The following FOXN3 variants were observed in gnomAD, a reference collection of about 807,000 sequenced individuals.
FOXN3 encodes the protein forkhead box protein N3.
In FOXN3, 7 loss-of-function variants were observed where a neutral mutation model predicts 38.4. The ratio of observed to expected loss-of-function variants is 0.18; its 90% confidence interval spans 0.10 to 0.34. The LOEUF (loss-of-function observed/expected upper bound fraction) is 0.34. Among genes scored for constraint, FOXN3 ranks in the 10% least tolerant of loss-of-function variants. The pLI, the probability that FOXN3 is intolerant of heterozygous loss-of-function variation, is 1.00. For missense variants in FOXN3, 456 were observed against 613.4 expected (o/e 0.74, Z 2.71); for synonymous variants, 230 against 242.2 (o/e 0.95, Z 0.47).
chr14:89,328,422 C>A (rs1313316074), intron 3 of FOXN3, among the ~76,000 whole-genome samples: 2 of 147,868 alleles, frequency 1.4e-5, no homozygotes, highest in African/African-American at 5.0e-5. Context: ...CAACAGCAGC[C>A]CTGGGTGAAT....
chr14:89,160,853 T>A lies in FOXN3; in HGVS notation c.*1561A>T, dbSNP rs1481690303. On this transcript the variant is annotated 3_prime_UTR_variant, in exon 6 of 6. Transcript: ENST00000557258. ...TGAAGAAGGTTAAACCTTAAACACCTGCTTCAAAAAACCAAAACAAAATAA... is the reference window on the plus strand; with the variant it reads ...TGAAGAAGGTTAAACCTTAAACACCAGCTTCAAAAAACCAAAACAAAATAA... 1.4e-5 allele frequency: 2 copies of A among 147,710 alleles called. No individual in the cohort carries two copies. Among genetic ancestry groups the A allele is most frequent in the Non-Finnish European group, 3.0e-5 (2 of 67,050 alleles). 9.1% of individuals were successfully genotyped at this position (147,710 alleles called of 1,614,324 possible). A position where few individuals can be genotyped will look rare whatever the true frequency, so the allele number is the denominator to read the frequency against.
intron 1 of FOXN3, among the ~76,000 whole-genome samples, chr14:89,469,150 G>A (rs1010729360): frequency 3.3e-5 from 5 of 152,150 alleles, no homozygotes; most frequent in African/African-American, 9.7e-5. Context: ...GAGACCCAGG[G>A]GTCCCCTAAC....
chr14:89,451,975 C>T (rs1226161221), intron 1 of FOXN3, among the ~76,000 whole-genome samples: 2 of 152,078 alleles, frequency 1.3e-5, no homozygotes, highest in Non-Finnish European at 2.9e-5. Flanking sequence ...AGGAGAGGAC[C>T]ACATCCCTTG....
At chr14:89,288,708 CTCTCTCTCTCTCTCTCTA>C (rs1886739561) in intron 3 of FOXN3, among the ~76,000 whole-genome samples, 3 of 81,842 alleles carry the variant, frequency 3.7e-5, no homozygotes, top group Non-Finnish European at 6.4e-5. Context: ...CTCTCTCTCT[CTCTCTCTCTCTCTCTCTA>C]TATATATATA....
At chr14:89,357,694 T>C (rs754554721) in intron 2 of FOXN3, among the ~76,000 whole-genome samples, 13 of 152,040 alleles carry the variant, frequency 8.6e-5, no homozygotes, top group Non-Finnish European at 1.6e-4. Context: ...GGAGAAGTAA[T>C]TGATATTCAG....
Position 89,344,999 on chromosome 14 carries a change from C to T in FOXN3, c.680+5673G>A, listed in dbSNP as rs377102306. Reference sequence around the variant, plus strand: ...CCTTCCACTTTCCAGATCTAGATTCCGAAGGCCCCACGCCAGAGTCTCCTT... The same window carrying T: ...CCTTCCACTTTCCAGATCTAGATTCTGAAGGCCCCACGCCAGAGTCTCCTT... On this transcript the variant is annotated intron_variant, in intron 3 of 5. Coordinates refer to ENST00000557258, the MANE Select transcript of FOXN3 (RefSeq NM_005197.4). 9.9e-5 allele frequency among the ~76,000 whole-genome samples: 15 copies of T among 152,194 alleles called. No individual in the cohort carries two copies. In the East Asian group the frequency reaches 1.7e-3, roughly 18 times the overall value.
chr14:89,480,066 T>C (rs1893290491), intron 1 of FOXN3, among the ~76,000 whole-genome samples: 1 of 152,184 alleles, frequency 6.6e-6, no homozygotes, highest in Non-Finnish European at 1.5e-5. Flanking sequence ...GTAAGCACCC[T>C]ACTGGGGCTG....
intron 2 of FOXN3, among the ~76,000 whole-genome samples, chr14:89,357,141 G>A (rs935933204): frequency 9.2e-5 from 14 of 152,080 alleles, no homozygotes; most frequent in African/African-American, 1.9e-4. Flanking sequence ...GCATGAGTCC[G>A]GGAGTCTGAG....
chr14:89,615,872 C>T (rs773490475), intron 1 of FOXN3, among the ~76,000 whole-genome samples: 1 of 152,170 alleles, frequency 6.6e-6, no homozygotes, highest in Non-Finnish European at 1.5e-5. Flanking sequence ...AGTTAGGACT[C>T]TCCTCCTCCC....
intron 2 of FOXN3, among the ~76,000 whole-genome samples, chr14:89,403,813 C>T (rs2140089972): frequency 6.6e-6 from 1 of 152,110 alleles, no homozygotes; most frequent in East Asian, 1.9e-4. Context: ...CAGACAGACC[C>T]CTATCCAGGT....
intron 1 of FOXN3, among the ~76,000 whole-genome samples, chr14:89,502,138 G>C (rs1038081962): frequency 1.1e-4 from 17 of 152,034 alleles, no homozygotes; most frequent in Non-Finnish European, 2.5e-4. Context: ...TTCCAGCCTG[G>C]GCGACAAAGC....
At chr14:89,532,878 T>C (rs140743369) in intron 1 of FOXN3, among the ~76,000 whole-genome samples, 3,219 of 152,278 alleles carry the variant, frequency 0.021, 102 homozygotes, top group African/African-American at 0.065. Flanking sequence ...TAGCTATACA[T>C]GTAGGTAACA....
intron 1 of FOXN3, among the ~76,000 whole-genome samples, chr14:89,605,690 A>G (rs1024935898): frequency 3.9e-5 from 6 of 152,172 alleles, no homozygotes; most frequent in Admixed American, 6.5e-5. Context: ...TTATATTAGA[A>G]AAAATATATT....
At chr14:89,351,953 C>G (rs1018724625) in intron 2 of FOXN3, among the ~76,000 whole-genome samples, 4 of 152,238 alleles carry the variant, frequency 2.6e-5, no homozygotes, top group African/African-American at 9.7e-5. Flanking sequence ...CATCAGTTCA[C>G]CCGAGTAGTT....
chr14:89,365,338 C>G (rs758619019), intron 2 of FOXN3, among the ~76,000 whole-genome samples: 2 of 152,202 alleles, frequency 1.3e-5, no homozygotes, highest in Non-Finnish European at 2.9e-5. Flanking sequence ...GTGCCAAAAG[C>G]AGTCAAGAGC....
At chr14:89,616,757 T>C (rs1195785375) in intron 1 of FOXN3, among the ~76,000 whole-genome samples, 1 of 152,204 alleles carries the variant, frequency 6.6e-6, no homozygotes, top group Non-Finnish European at 1.5e-5. Context: ...TTCAAATACA[T>C]TGTTCTTAGC....
chr14:89,326,315 GAAT>G (rs1888081708), intron 3 of FOXN3, among the ~76,000 whole-genome samples: 1 of 152,172 alleles, frequency 6.6e-6, no homozygotes, highest in Admixed American at 6.5e-5. Flanking sequence ...CATGAGGAAT[GAAT>G]AAGACACAAG....
chr14:89,251,218 A>G (rs530023898), intron 4 of FOXN3, among the ~76,000 whole-genome samples: 2 of 152,264 alleles, frequency 1.3e-5, no homozygotes, highest in Admixed American at 6.5e-5. Context: ...TTCTTCCCAC[A>G]TATCCTACAT....
chr14:89,387,968 C>A (rs11159906), intron 2 of FOXN3, among the ~76,000 whole-genome samples: 101,045 of 152,060 alleles, frequency 0.66, 34,248 homozygotes, highest in Admixed American at 0.75. Flanking sequence ...GGATCACCTG[C>A]GGTCACAAGT....
Sources: allele counts gnomAD v4.1 joint callset (sites outside exome capture counted in the v4.1 genomes callset), GRCh38; gene constraint gnomAD v4.1.1; transcripts MANE v1.5; gene names NCBI Gene and HGNC (gene_info 2026-07-23, HGNC 2026-07-21).